ERCC6: variants seen among roughly 807,000 people sequenced by gnomAD.
ERCC6 encodes DNA excision repair protein ERCC-6.
A neutral mutation model predicts 158.7 loss-of-function variants in ERCC6; 116 were observed. The observed-to-expected ratio is 0.73, with a 90% CI of 0.63 to 0.85. ERCC6 has a LOEUF of 0.85. ERCC6 is among the 40% of genes least tolerant of loss of function. The pLI is 0.00. For missense variants in ERCC6, 1,698 were observed against 1,799.4 expected, an observed-to-expected ratio of 0.94 and a Z score of 1.02; for synonymous variants, 678 against 659.3, an observed-to-expected ratio of 1.03 and a Z score of -0.43.
intron 5 of ERCC6, among the ~76,000 whole-genome samples, chr10:49,507,401 A>G (rs1032312040): frequency 9.9e-5 from 15 of 152,220 alleles, no homozygotes; most frequent in African/African-American, 3.4e-4. Context: ...GGCCAAGTCT[A>G]AGGAAATAGC....
downstream of ERCC6, among the ~76,000 whole-genome samples, chr10:49,450,238 A>T (rs1205756095): frequency 6.6e-6 from 1 of 152,258 alleles, no homozygotes; most frequent in African/African-American, 2.4e-5. Flanking sequence ...CACTTGTCCC[A>T]GCACCATTTG....
chr10:49,471,672 A>G (rs190939831), intron 16 of ERCC6, among the ~76,000 whole-genome samples: 4 of 152,280 alleles, frequency 2.6e-5, no homozygotes, highest in Non-Finnish European at 5.9e-5. Context: ...GCATGAATCT[A>G]TAAAAGGAAG....
At chr10:49,499,821 A>G (rs1851326596) in intron 7 of ERCC6, among the ~76,000 whole-genome samples, 1 of 152,234 alleles carries the variant, frequency 6.6e-6, no homozygotes, top group Non-Finnish European at 1.5e-5. Context: ...AAAAGCCTTA[A>G]TAGTTTATTT....
intron 20 of ERCC6, among the ~76,000 whole-genome samples, chr10:49,459,580 G>C (rs897768104): frequency 1.8e-4 from 27 of 152,160 alleles, no homozygotes; most frequent in African/African-American, 5.5e-4. Flanking sequence ...ACCACTTTCA[G>C]TACCTGTGGG....
At chr10:49,532,495 G>T (rs190849265) in intron 2 of ERCC6, 48 bp downstream of exon 2, 310 of 1,608,234 alleles carry the variant, frequency 1.9e-4, no homozygotes, top group Middle Eastern at 9.9e-4. Flanking sequence ...GAATATCCCT[G>T]TCATGTTTTA....
At chr10:49,465,511 G>C (rs1055737758) in intron 18 of ERCC6, among the ~76,000 whole-genome samples, 15 of 152,174 alleles carry the variant, frequency 9.9e-5, no homozygotes, top group Admixed American at 5.9e-4. Flanking sequence ...GAAGATATGA[G>C]ATATGGGAGG....
rs143305574 is a variant in ERCC6 at position 49,517,092 on chromosome 10, T to C, written c.1397+6941A>G. ...TGTCTCTAAAAGGTCAGTTATTTCATGTAAACTTAGTGTTCGAGGCATCTT... is the reference window on the plus strand; with the variant it reads ...TGTCTCTAAAAGGTCAGTTATTTCACGTAAACTTAGTGTTCGAGGCATCTT... On this transcript the variant is annotated intron_variant, in intron 5 of 20. Coordinates refer to ENST00000355832, the MANE Select transcript of ERCC6 (RefSeq NM_000124.4). The C allele has an allele frequency of 6.3e-5, 100 of 1,599,068 alleles. No individual in the cohort carries two copies. Among genetic ancestry groups the C allele is most frequent in the African/African-American group, 2.3e-4 (17 of 74,746 alleles).
intron 18 of ERCC6, among the ~76,000 whole-genome samples, chr10:49,467,346 T>C (rs576949155): frequency 2.9e-3 from 436 of 152,340 alleles, no homozygotes; most frequent in African/African-American, 9.8e-3. Context: ...CAGGCGTGTA[T>C]GAGACCCAAC....
intron 8 of ERCC6, among the ~76,000 whole-genome samples, chr10:49,487,462 C>T (rs1401627166): frequency 6.6e-6 from 1 of 152,160 alleles, no homozygotes; most frequent in Non-Finnish European, 1.5e-5. Context: ...GGGTGCACAA[C>T]GGCCTTAAAA....
the ERCC6 span, among the ~76,000 whole-genome samples, chr10:49,445,318 G>A: frequency 1.3e-5 from 2 of 152,164 alleles, no homozygotes; most frequent in Admixed American, 1.3e-4. Context: ...TGGCAAATGC[G>A]GGGCTAGAGG....
rs749166731 is a variant in ERCC6, at chr10:49,470,501, A to C, written c.3459T>G (p.Leu1153=). The change falls in exon 18 of 21, where the codon CTT becomes CTG. Residue 1153 remains leucine (L), a synonymous_variant. Coordinates refer to ENST00000355832, the MANE Select transcript of ERCC6 (RefSeq NM_000124.4). ...GGCTGGGTCTTTCTCTTTTGTAAGA[A>C]AGACCTAACTTTTCATCAATGCTTT... is the stretch of plus-strand genomic sequence containing the variant. ...GDESIDEKLG[L]SYKRERPSQA... is the part of the protein sequence containing the mutation. 2 of 1,614,184 alleles carry C rather than the reference A, an allele frequency of 1.2e-6. No individual in the cohort carries two copies. The highest frequency in any genetic ancestry group is 1.1e-5 in the South Asian group (1 of 91,080).
At chr10:49,474,536 G>A (rs1265857283) in intron 12 of ERCC6, among the ~76,000 whole-genome samples, 2 of 152,146 alleles carry the variant, frequency 1.3e-5, no homozygotes, top group East Asian at 1.9e-4. Context: ...AAAAAGGTAT[G>A]CAGTTCACGG....
chr10:49,514,713 G>A (rs1312277789), intron 5 of ERCC6, among the ~76,000 whole-genome samples: 1 of 152,092 alleles, frequency 6.6e-6, no homozygotes, highest in Non-Finnish European at 1.5e-5. Context: ...CAACAACAGA[G>A]GCACAATGAG....
chr10:49,469,034 TAAATA>T (rs1850725935), intron 18 of ERCC6, among the ~76,000 whole-genome samples: 1 of 151,926 alleles, frequency 6.6e-6, no homozygotes, highest in South Asian at 2.1e-4. Context: ...AATTAATAAA[TAAATA>T]AGAGAGAAGG....
At position 49,517,296 on chromosome 10, in the gene ERCC6, A is replaced by T. The variant is rs11101144; in HGVS notation, c.1397+6737T>A. Reference sequence around the variant, plus strand: ...GAGAAGTTATTTCTTAAAAATTACTAGTATAGGATGTAGTGCAGTAAAGTT... The same window carrying T: ...GAGAAGTTATTTCTTAAAAATTACTTGTATAGGATGTAGTGCAGTAAAGTT... On this transcript the variant is annotated intron_variant, in intron 5 of 20. Transcript: ENST00000355832. 0.33 allele frequency among the ~76,000 whole-genome samples: 50,908 copies of T among 152,166 alleles called. 9,804 individuals are homozygous for T. Among genetic ancestry groups the T allele is most frequent in the Non-Finnish European group, 0.44 (29,904 of 67,970 alleles).
intron 8 of ERCC6, among the ~76,000 whole-genome samples, chr10:49,486,978 T>A (rs1365348275): frequency 6.6e-6 from 1 of 152,206 alleles, no homozygotes; most frequent in African/African-American, 2.4e-5. Context: ...ATTAACCTAC[T>A]AAAGGCTTAT....
chr10:49,479,798 G>A (rs934420478), intron 10 of ERCC6, among the ~76,000 whole-genome samples: 1 of 152,150 alleles, frequency 6.6e-6, no homozygotes, highest in African/African-American at 2.4e-5. Context: ...GCTCTCTCCT[G>A]CATGCCACCC....
chr10:49,515,429 C>T lies in ERCC6; in HGVS notation c.1397+8604G>A, dbSNP rs756004338. The T allele has an allele frequency of 6.8e-6, 11 of 1,614,000 alleles. No individual in the cohort carries two copies. The Admixed American group carries it at 1.3e-4, about 20-fold the overall frequency. ...TGTTCTTATGACATTCAGCGCATCG[C>T]GTTTGCTTTCCCTGTTTGACTATCA... On this transcript the variant is annotated intron_variant, in intron 5 of 20. Transcript: ENST00000355832.
downstream of ERCC6, among the ~76,000 whole-genome samples, chr10:49,454,244 A>AG (rs1215079119): frequency 1.3e-4 from 19 of 151,880 alleles, no homozygotes; most frequent in Non-Finnish European, 7.4e-5. Flanking sequence ...CCTTTAGTGC[A>AG]TTTTTTCCTT....
Sources: allele counts gnomAD v4.1 joint callset (sites outside exome capture counted in the v4.1 genomes callset), GRCh38; gene constraint gnomAD v4.1.1; transcripts MANE v1.5; gene names NCBI Gene and HGNC (gene_info 2026-07-23, HGNC 2026-07-21).